The following OPA1 variants were observed in gnomAD, a reference collection of about 807,000 sequenced individuals.
OPA1 encodes the protein OPA1 mitochondrial dynamin like GTPase.
Under a neutral mutation model 152.9 loss-of-function variants are expected in OPA1, and 59 were observed. The observed-to-expected ratio is 0.39, with a 90% CI of 0.31 to 0.48. OPA1 has a LOEUF of 0.48. OPA1 is among the 20% of genes least tolerant of loss of function. The pLI is 0.96. For missense variants in OPA1, 1,008 were observed against 1,216.8 expected (o/e 0.83, Z 2.55); for synonymous variants, 400 against 389.9 (o/e 1.03, Z -0.31).
rs149752576 is a variant in OPA1 at position 193,643,409 on chromosome 3, A to C, written c.1342A>C (p.Arg448=). 4.2e-3 allele frequency: 6,695 copies of C among 1,612,042 alleles called. 86 individuals carry two copies. Among genetic ancestry groups the C allele is most frequent in the South Asian group, 0.024 (2,140 of 91,018 alleles). Residue 448 remains arginine (R), a synonymous_variant, in exon 14 of 31, where the codon AGG becomes CGG. Transcript: ENST00000361510. ...SLNVKGPGLQ[R]MVLVDLPGVI... is the part of the protein sequence containing the mutation. Reference sequence around the variant, plus strand: ...AAATGTAAAAGGCCCTGGACTACAGAGGATGGTGCTTGTTGACTTACCAGG... The same window carrying C: ...AAATGTAAAAGGCCCTGGACTACAGCGGATGGTGCTTGTTGACTTACCAGG...
Position 193,626,184 on chromosome 3 carries a change from T to C in OPA1, c.771T>C (p.Tyr257=). ...RRAAGQYSTS[Y]AQQKRKVSDK... ...CCGCTGGCCAATATAGCACGAGCTA[T>C]GCCCAACAGAAGCGCAAGGTGATGG... is the stretch of plus-strand genomic sequence containing the variant. The change falls in exon 7 of 31, where the codon TAT becomes TAC. Residue 257 remains tyrosine, a synonymous_variant. Transcript: ENST00000361510. 3 of 1,613,902 alleles carry C rather than the reference T, an allele frequency of 1.9e-6. No homozygotes were observed. Among genetic ancestry groups the C allele is most frequent in the South Asian group, 1.1e-5 (1 of 91,070 alleles).
At chr3:193,593,553 C>T in intron 1 of OPA1, 144 bp downstream of exon 1, 2 of 862,216 alleles carry the variant, frequency 2.3e-6, no homozygotes, top group Non-Finnish European at 3.3e-6. Context: ...CTTGAGGACC[C>T]AGAATGACAG....
intron 23 of OPA1, 35 bp from the exon 24 acceptor site, chr3:193,658,852 A>G: frequency 6.9e-7 from 1 of 1,457,088 alleles, no homozygotes; most frequent in Non-Finnish European, 9.6e-7. Context: ...TGAGATGTAA[A>G]ACAAGTTGGC....
Position 193,697,032 on chromosome 3 carries a change from C to T in OPA1, c.*2432C>T, listed in dbSNP as rs1325527761. 6.6e-6 allele frequency: 1 copy of T among 152,160 alleles called. No homozygotes were observed. Among genetic ancestry groups the T allele is most frequent in the African/African-American group, 2.4e-5 (1 of 41,410 alleles). The allele number at this position is 152,160 out of a possible 1,614,324, so 9.4% of individuals were successfully genotyped here. A position where few individuals can be genotyped will look rare whatever the true frequency, so the allele number is the denominator to read the frequency against. The stretch of plus-strand genomic sequence containing the variant: ...GACTTCTTTCTGCAAATTATTCAGC[C>T]TCCAAATGCAAATGAATGATATAAA... On this transcript the variant is annotated 3_prime_UTR_variant, in exon 31 of 31. Coordinates refer to ENST00000361510, the MANE Select transcript of OPA1 (RefSeq NM_130837.3).
At chr3:193,612,268 CTTTTTTTTTTT>C (rs34283831) in intron 1 of OPA1, among the ~76,000 whole-genome samples, 1 of 116,364 alleles carries the variant, frequency 8.6e-6, no homozygotes, top group African/African-American at 3.3e-5. Flanking sequence ...GTCTAACTTC[CTTTTTTTTTTT>C]TTTTTTTTTT....
intron 29 of OPA1, among the ~76,000 whole-genome samples, chr3:193,686,735 T>A (rs1037198160): frequency 6.6e-6 from 1 of 152,222 alleles, no homozygotes; most frequent in Non-Finnish European, 1.5e-5. Flanking sequence ...ATAAGAAGCG[T>A]TCCTTTACTT....
intron 29 of OPA1, among the ~76,000 whole-genome samples, chr3:193,672,698 G>A (rs561769949): frequency 1.3e-5 from 2 of 152,026 alleles, no homozygotes; most frequent in East Asian, 1.9e-4. Flanking sequence ...GTGAAACCCC[G>A]TCTCTACTAA....
At position 193,693,168 on chromosome 3, in the gene OPA1, C is replaced by T. The variant is rs190213352; in HGVS notation, c.*5+1036C>T. ...GGTTCAGGTCAGTTCAGAAAAGGCTCTTAAACCAAACTACCTACTTTCCTG... is the reference window on the plus strand; with the variant it reads ...GGTTCAGGTCAGTTCAGAAAAGGCTTTTAAACCAAACTACCTACTTTCCTG... On this transcript the variant is annotated intron_variant, in intron 30 of 30. Coordinates refer to ENST00000361510, the MANE Select transcript of OPA1 (RefSeq NM_130837.3). Among the ~76,000 whole-genome samples, 18 of 152,312 alleles carry T rather than the reference C, an allele frequency of 1.2e-4. No individual in the cohort carries two copies. In the East Asian group the frequency reaches 3.3e-3, roughly 28 times the overall value.
chr3:193,607,666 A>T (rs570020247), intron 1 of OPA1, among the ~76,000 whole-genome samples: 1 of 152,216 alleles, frequency 6.6e-6, no homozygotes, highest in African/African-American at 2.4e-5. Context: ...TGGTGACTGT[A>T]GCCTTGTATA....
chr3:193,593,989 A>C (rs2108759508), intron 1 of OPA1, among the ~76,000 whole-genome samples: 1 of 152,170 alleles, frequency 6.6e-6, no homozygotes, highest in Middle Eastern at 3.4e-3. Context: ...ATGCCCTTTC[A>C]ATAGCAGCTT....
At chr3:193,625,787 A>G (rs1304270587) in intron 6 of OPA1, among the ~76,000 whole-genome samples, 1 of 152,096 alleles carries the variant, frequency 6.6e-6, no homozygotes, top group Non-Finnish European at 1.5e-5. Context: ...AAAAAAAAAA[A>G]AAAATCAGTA....
chr3:193,643,879 G>T, intron 15 of OPA1, 96 bp from the exon 16 acceptor site: 1 of 1,294,520 alleles, frequency 7.7e-7, no homozygotes, highest in South Asian at 1.3e-5. Flanking sequence ...AATCTTTCTT[G>T]CTATAATGTA....
rs971201737 is a variant in OPA1, at chr3:193,646,996, T to G, written c.1755-69T>G. On this transcript the variant is annotated intron_variant, in intron 18 of 30. Transcript: ENST00000361510. ...GCTGTTAGCAAGCACATTCGCAGACTTGGTGGTAGTATTGTTGTCCTTTTT... is the reference window on the plus strand; with the variant it reads ...GCTGTTAGCAAGCACATTCGCAGACGTGGTGGTAGTATTGTTGTCCTTTTT... The G allele has an allele frequency of 1.2e-4, 117 of 968,124 alleles. No individual in the cohort carries two copies. In the South Asian group the frequency reaches 1.5e-3, roughly 13 times the overall value. The allele number at this position is 968,124 out of a possible 1,614,324, so 60.0% of individuals were successfully genotyped here. A position where few individuals can be genotyped will look rare whatever the true frequency, so the allele number is the denominator to read the frequency against.
intron 1 of OPA1, among the ~76,000 whole-genome samples, chr3:193,595,237 C>A (rs1391300631): frequency 6.6e-6 from 1 of 152,190 alleles, no homozygotes; most frequent in African/African-American, 2.4e-5. Context: ...TGCTCCCTAA[C>A]AGATGAGAGC....
chr3:193,666,457 A>G, intron 28 of OPA1, 68 bp downstream of exon 28: 1 of 1,270,368 alleles, frequency 7.9e-7, no homozygotes, highest in Middle Eastern at 1.9e-4. Context: ...TCCATATTTA[A>G]TAGAAGGATG....
chr3:193,668,613 T>C (rs756042198), intron 29 of OPA1: 3 of 1,529,518 alleles, frequency 2.0e-6, no homozygotes, highest in South Asian at 2.4e-5. Context: ...TTCGCCAGCC[T>C]GCACCAGGCC....
chr3:193,654,083 C>T (rs928055204), intron 21 of OPA1, among the ~76,000 whole-genome samples: 9 of 152,062 alleles, frequency 5.9e-5, no homozygotes, highest in African/African-American at 9.7e-5. Context: ...AAGACTTGTA[C>T]GTGAATTCTC....
At position 193,645,608 on chromosome 3, in the gene OPA1, C is replaced by G. The variant is rs1734455205; in HGVS notation, c.1664C>G (p.Ala555Gly). The G allele has an allele frequency of 6.2e-7, 1 of 1,612,538 alleles. No individual in the cohort carries two copies. Among genetic ancestry groups the G allele is most frequent in the Non-Finnish European group, 8.5e-7 (1 of 1,178,864 alleles). Residue 555 changes from alanine (A) to glycine (G), a missense_variant, in exon 17 of 31, where the codon GCT becomes GGT. Coordinates refer to ENST00000361510, the MANE Select transcript of OPA1 (RefSeq NM_130837.3). Reference sequence around the variant, plus strand: ...CCAATGAAAGCTTTAGGTTATTTTGCTGTTGTAACAGGAAAAGGTATGCAA... The same window carrying G: ...CCAATGAAAGCTTTAGGTTATTTTGGTGTTGTAACAGGAAAAGGTATGCAA... ...LFPMKALGYFAVVTGKGNSSE... is the reference protein window; with the variant it reads ...LFPMKALGYFGVVTGKGNSSE...
At chr3:193,674,780 G>A (rs1718622393) in intron 29 of OPA1, among the ~76,000 whole-genome samples, 2 of 152,174 alleles carry the variant, frequency 1.3e-5, no homozygotes, top group African/African-American at 4.8e-5. Context: ...TGTTACGGAT[G>A]AGAATATCGT....
Sources: gnomAD v4.1 joint callset for allele counts (sites outside exome capture counted in the v4.1 genomes callset) on GRCh38, gnomAD v4.1.1 for gene constraint, MANE v1.5 for transcripts, NCBI Gene and HGNC (gene_info 2026-07-23, HGNC 2026-07-21) for gene names.